EHMT1: variants seen among roughly 807,000 people sequenced by gnomAD.
The protein encoded by EHMT1 is euchromatic histone lysine methyltransferase 1.
In EHMT1, 15 loss-of-function variants were observed where a neutral mutation model predicts 147.2. The ratio of observed to expected loss-of-function variants is 0.10; its 90% confidence interval spans 0.07 to 0.16. EHMT1 has a LOEUF of 0.16. Ranked by LOEUF, EHMT1 falls within the 10% of genes least tolerant of loss-of-function variation. The pLI is 1.00. For missense variants in EHMT1, 1,587 were observed against 1,772.4 expected (o/e 0.90, Z 1.88); for synonymous variants, 795 against 709.6 (o/e 1.12, Z -1.91).
At position 137,816,563 on chromosome 9, in the gene EHMT1, G is replaced by C. The variant is rs563921939; in HGVS notation, c.3374+501G>C. 3.3e-5 allele frequency: 6 copies of C among 181,742 alleles called. No homozygotes were observed. The South Asian group carries it at 6.9e-4, about 21-fold the overall frequency. The allele number at this position is 181,742 out of a possible 1,614,324, so 11.3% of individuals were successfully genotyped here. A position where few individuals can be genotyped will look rare whatever the true frequency, so the allele number is the denominator to read the frequency against. On this transcript the variant is annotated intron_variant, in intron 23 of 26. Transcript: ENST00000460843. ...CTTGCCCAGCGCCCTTCCCCAGCTG[G>C]GCTTGGTCCCCTGACCGCCCAGCAG...
intron 1 of EHMT1, among the ~76,000 whole-genome samples, chr9:137,625,406 G>A (rs1040624394): frequency 5.9e-5 from 9 of 152,104 alleles, no homozygotes; most frequent in African/African-American, 2.2e-4. Context: ...GTCTCACTAT[G>A]TTGCTCAGGC....
At position 137,818,116 on chromosome 9, in the gene EHMT1, A is replaced by C; in HGVS notation, c.3518A>C (p.Tyr1173Ser). ...GCCGACGTTCGAGAGGAAGATTCTT[A>C]CCTCTTTGATCTCGACAATAAGGTA... ...SEADVREEDS[Y>S]LFDLDNKDGE... The change falls in exon 25 of 27, where the codon TAC (tyrosine) becomes TCC (serine). Residue 1173 changes from tyrosine (Y) to serine (S), a missense_variant. Transcript: ENST00000460843. 6.2e-7 allele frequency: 1 copy of C among 1,614,004 alleles called. No homozygotes were observed. Among genetic ancestry groups the C allele is most frequent in the Non-Finnish European group, 8.5e-7 (1 of 1,179,978 alleles).
Position 137,710,882 on chromosome 9 carries a change from T to C in EHMT1, c.22-85T>C, listed in dbSNP as rs7039441. On this transcript the variant is annotated intron_variant, in intron 1 of 26. Coordinates refer to ENST00000460843, the MANE Select transcript of EHMT1 (RefSeq NM_024757.5). ...CTCATGGTGAATGTTGTAACTACGA[T>C]TTTTTGACTTTTTCCAAATGATGTC... 0.41 allele frequency: 601,255 copies of C among 1,475,878 alleles called. 129,977 individuals are homozygous for C. The highest frequency in any genetic ancestry group is 0.83 in the East Asian group (33,327 of 40,240). The allele number at this position is 1,475,878 out of a possible 1,614,324, so 91.4% of individuals were successfully genotyped here. A position where few individuals can be genotyped will look rare whatever the true frequency, so the allele number is the denominator to read the frequency against.
intron 6 of EHMT1, chr9:137,746,467 A>C (rs1948550620): frequency 6.6e-6 from 1 of 152,144 alleles, no homozygotes; most frequent in Admixed American, 6.5e-5. Flanking sequence ...GTACTAATCA[A>C]TTTCTTTATG....
At chr9:137,742,035 T>C (rs529036490) in intron 4 of EHMT1, among the ~76,000 whole-genome samples, 1 of 152,326 alleles carries the variant, frequency 6.6e-6, no homozygotes, top group South Asian at 2.1e-4. Context: ...CAGCCTGTTA[T>C]AGTGTGGACA....
chr9:137,624,089 T>C (rs576456980), intron 1 of EHMT1, among the ~76,000 whole-genome samples: 3 of 150,648 alleles, frequency 2.0e-5, no homozygotes, highest in African/African-American at 7.3e-5. Flanking sequence ...AACCTCCGTC[T>C]CCTGGGCTCA....
At chr9:137,796,769 C>T (rs1952990557) in intron 16 of EHMT1, among the ~76,000 whole-genome samples, 1 of 134,424 alleles carries the variant, frequency 7.4e-6, no homozygotes, top group Admixed American at 8.1e-5. Flanking sequence ...ACGTGCAGTT[C>T]CCAGAAAAAG....
intron 1 of EHMT1, chr9:137,641,477 G>A (rs1004154333): frequency 1.8e-5 from 8 of 454,014 alleles, no homozygotes; most frequent in African/African-American, 4.2e-5. Context: ...CAGTGCAGAC[G>A]CTTGTGGATG....
At chr9:137,768,057 G>A (rs561185089) in intron 10 of EHMT1, among the ~76,000 whole-genome samples, 6 of 152,182 alleles carry the variant, frequency 3.9e-5, no homozygotes, top group South Asian at 4.1e-4. Flanking sequence ...CTTTGTAGCC[G>A]AGGAGCAACA....
chr9:137,823,162 A>G (rs1173156615), intron 25 of EHMT1, among the ~76,000 whole-genome samples: 1 of 143,778 alleles, frequency 7.0e-6, no homozygotes, highest in African/African-American at 2.6e-5. Flanking sequence ...GCAGTGACGC[A>G]GTCTCGGCTC....
intron 1 of EHMT1, among the ~76,000 whole-genome samples, chr9:137,680,146 T>C (rs944017103): frequency 1.3e-5 from 2 of 152,182 alleles, no homozygotes; most frequent in Admixed American, 1.3e-4. Flanking sequence ...GATGAAAGTC[T>C]TGTGGCTTTT....
chr9:137,629,230 T>C (rs1254342625), intron 1 of EHMT1, among the ~76,000 whole-genome samples: 2 of 149,292 alleles, frequency 1.3e-5, no homozygotes, highest in East Asian at 2.0e-4. Flanking sequence ...GTAGCTGGGA[T>C]TACAGGCGCC....
chr9:137,756,760 TATTC>T (rs1287393848), intron 8 of EHMT1, among the ~76,000 whole-genome samples: 1 of 152,270 alleles, frequency 6.6e-6, no homozygotes, highest in African/African-American at 2.4e-5. Context: ...TGCTTTTAAA[TATTC>T]ACAGAGGAGT....
At chr9:137,723,496 G>A (rs1946292218) in intron 3 of EHMT1, among the ~76,000 whole-genome samples, 3 of 140,774 alleles carry the variant, frequency 2.1e-5, no homozygotes, top group African/African-American at 8.1e-5. Context: ...TGTGTCTGTG[G>A]TTCTGGGCCT....
chr9:137,754,900 C>T (rs528184253), intron 8 of EHMT1, among the ~76,000 whole-genome samples: 1 of 152,322 alleles, frequency 6.6e-6, no homozygotes, highest in East Asian at 1.9e-4. Flanking sequence ...GCATGGGCAG[C>T]TCCCACGTTG....
Position 137,834,957 on chromosome 9 carries a change from G to T in EHMT1, c.*4G>T. On this transcript the variant is annotated 3_prime_UTR_variant, in exon 27 of 27. Coordinates refer to ENST00000460843, the MANE Select transcript of EHMT1 (RefSeq NM_024757.5). The stretch of plus-strand genomic sequence containing the variant: ...GGCTGCCGCCGACCCCCTATGAGAC[G>T]CCGCCGGCCAGCGGGGCGCTCGGGA... 7.0e-7 allele frequency: 1 copy of T among 1,421,186 alleles called. No individual in the cohort carries two copies. The highest frequency in any genetic ancestry group is 1.5e-5 in the South Asian group (1 of 65,888). 88.0% of individuals were successfully genotyped at this position (1,421,186 alleles called of 1,614,324 possible).
intron 8 of EHMT1, among the ~76,000 whole-genome samples, chr9:137,754,842 C>G (rs986422635): frequency 6.6e-6 from 1 of 152,146 alleles, no homozygotes; most frequent in Non-Finnish European, 1.5e-5. Context: ...AATGTTGAAC[C>G]GAGGTGAATC....
chr9:137,833,020 G>C (rs1463547086), intron 25 of EHMT1: 1 of 152,368 alleles, frequency 6.6e-6, no homozygotes, highest in African/African-American at 2.4e-5. Context: ...GGGGGCTGTG[G>C]CTGGTCCTGT....
chr9:137,756,526 A>C (rs543866023), intron 8 of EHMT1, among the ~76,000 whole-genome samples: 1 of 152,326 alleles, frequency 6.6e-6, no homozygotes, highest in Admixed American at 6.5e-5. Context: ...GGCAGTCACC[A>C]TGGAGGCTCC....
Sources: gnomAD v4.1 joint callset for allele counts (sites outside exome capture counted in the v4.1 genomes callset) on GRCh38, gnomAD v4.1.1 for gene constraint, MANE v1.5 for transcripts, NCBI Gene and HGNC (gene_info 2026-07-23, HGNC 2026-07-21) for gene names.